COL4A5: variants seen among roughly 807,000 people sequenced by gnomAD.
COL4A5 encodes the protein collagen alpha-5(IV) chain.
COL4A5 carries 26 observed loss-of-function variants against 130.2 expected under a neutral mutation model. The observed-to-expected ratio is 0.20, with a 90% CI of 0.15 to 0.28. The LOEUF (loss-of-function observed/expected upper bound fraction) is 0.28, where lower values mean the gene tolerates loss of function less well. COL4A5 is among the 10% of genes least tolerant of loss of function. COL4A5 has a pLI of 1.00. For missense variants in COL4A5, 1,131 were observed against 1,344.3 expected (o/e 0.84, Z 2.48); for synonymous variants, 496 against 439.6 (o/e 1.13, Z -1.60).
At chrX:108,550,148 G>A (rs983733528) in intron 2 of COL4A5, among the ~76,000 whole-genome samples, 2 of 110,884 alleles carry the variant, frequency 1.8e-5, no homozygotes, top group Non-Finnish European at 3.8e-5. Context: ...AAAATAGAGG[G>A]ATATTGAATG....
At chrX:108,571,302 G>A in intron 6 of COL4A5, 111 bp from the exon 7 acceptor site, 1 of 569,130 alleles carries the variant, frequency 1.8e-6, no homozygotes, top group Non-Finnish European at 3.0e-6. Context: ...TGGCAATCTG[G>A]CATGTTTCAA....
intron 17 of COL4A5, 79 bp from the exon 18 acceptor site, chrX:108,584,405 A>G (rs2066299577): frequency 2.2e-6 from 2 of 898,473 alleles, no homozygotes; most frequent in South Asian, 2.2e-5. Context: ...GTCTTTTTGG[A>G]AAGTTTCTCT....
intron 1 of COL4A5, among the ~76,000 whole-genome samples, chrX:108,506,984 A>T (rs182502107): frequency 9.0e-6 from 1 of 110,741 alleles, no homozygotes; most frequent in Admixed American, 9.6e-5. Flanking sequence ...CCCTCCCAAG[A>T]CTGAACCAGG....
At chrX:108,635,280 C>T (rs1460607147) in intron 36 of COL4A5, among the ~76,000 whole-genome samples, 1 of 110,007 alleles carries the variant, frequency 9.1e-6, no homozygotes, top group Non-Finnish European at 1.9e-5. Flanking sequence ...TTAAAACATG[C>T]TTCATAAAAA....
intron 29 of COL4A5, among the ~76,000 whole-genome samples, chrX:108,614,470 G>C (rs1454607265): frequency 1.8e-5 from 2 of 111,874 alleles, no homozygotes; most frequent in Non-Finnish European, 3.8e-5. Flanking sequence ...GAGATGGACA[G>C]TTAAGTTTCT....
Position 108,641,899 on chromosome X carries a change from G to A in COL4A5, c.3247-13432G>A, listed in dbSNP as rs187898667. On this transcript the variant is annotated intron_variant, in intron 36 of 52. Transcript: ENST00000328300. ...GCGAGAAGCCTCCTGGCCAGAACTC[G>A]GGGGAGGGCATGAATCCAGTGTGCA... 3.9e-3 allele frequency among the ~76,000 whole-genome samples: 434 copies of A among 111,745 alleles called. 1 individual carries two copies. Among genetic ancestry groups the A allele is most frequent in the African/African-American group, 0.013 (415 of 30,763 alleles).
intron 1 of COL4A5, among the ~76,000 whole-genome samples, chrX:108,455,784 A>G (rs1490362934): frequency 5.4e-5 from 6 of 111,899 alleles, no homozygotes; most frequent in Admixed American, 1.9e-4. Flanking sequence ...TTGAAAATCA[A>G]TGGAATGTGT....
At chrX:108,678,883 C>G (rs2068364161) in intron 44 of COL4A5, among the ~76,000 whole-genome samples, 1 of 111,928 alleles carries the variant, frequency 8.9e-6, no homozygotes, top group African/African-American at 3.2e-5. Context: ...TGTCATATCT[C>G]TTTAGCCTTC....
rs760014052 is a variant in COL4A5, at chrX:108,631,986, A to G, written c.3246+5637A>G. On this transcript the variant is annotated intron_variant, in intron 36 of 52. Coordinates refer to ENST00000328300, the MANE Select transcript of COL4A5 (RefSeq NM_033380.3). The stretch of plus-strand genomic sequence containing the variant: ...AGGAAATAACTAAGATCAGAGCAGA[A>G]CTGAAGAAAATAGAGACACAAAAAA... Among the ~76,000 whole-genome samples, 3 of 111,472 alleles carry G rather than the reference A, an allele frequency of 2.7e-5. No individual in the cohort carries two copies. The South Asian group carries it at 1.1e-3, about 42-fold the overall frequency.
At chrX:108,674,797 ATGCT>A in intron 43 of COL4A5, 44 bp downstream of exon 43, 1 of 1,002,887 alleles carries the variant, frequency 1.0e-6, no homozygotes, top group Non-Finnish European at 1.3e-6. Flanking sequence ...TTTTTTTTTA[ATGCT>A]TTGTGTGTGT....
chrX:108,644,919 CAAAA>C (rs778790757), intron 36 of COL4A5, among the ~76,000 whole-genome samples: 1 of 47,535 alleles, frequency 2.1e-5, no homozygotes, highest in Non-Finnish European at 5.2e-5. Context: ...ACAACAACAA[CAAAA>C]AAAAAAAAAA....
chrX:108,595,022 G>A (rs1035561962), intron 21 of COL4A5, among the ~76,000 whole-genome samples: 2 of 108,912 alleles, frequency 1.8e-5, no homozygotes, highest in African/African-American at 6.7e-5. Flanking sequence ...CACCATGCCT[G>A]GCTAATGTTT....
At chrX:108,650,300 A>C (rs1367530017) in intron 36 of COL4A5, among the ~76,000 whole-genome samples, 1 of 111,333 alleles carries the variant, frequency 9.0e-6, no homozygotes, top group Non-Finnish European at 1.9e-5. Flanking sequence ...TGCGGTGATC[A>C]GGGAACACTT....
chrX:108,593,327 A>G (rs1325562394), intron 21 of COL4A5, among the ~76,000 whole-genome samples: 1 of 111,642 alleles, frequency 9.0e-6, no homozygotes, highest in African/African-American at 3.3e-5. Flanking sequence ...TCTCTTTTGT[A>G]AAGTGCCTGT....
chrX:108,508,001 C>T (rs1030638336), intron 1 of COL4A5, among the ~76,000 whole-genome samples: 6 of 111,226 alleles, frequency 5.4e-5, no homozygotes, highest in Non-Finnish European at 1.1e-4. Context: ...TCTCTCTCGC[C>T]ACTTCTATTC....
chrX:108,547,956 A>T (rs1381413573), intron 2 of COL4A5, among the ~76,000 whole-genome samples: 2 of 112,109 alleles, frequency 1.8e-5, no homozygotes, highest in Non-Finnish European at 3.8e-5. Flanking sequence ...AGACCATCAG[A>T]AAAGTGCAGT....
At chrX:108,660,826 A>T (rs1384662155) in intron 37 of COL4A5, among the ~76,000 whole-genome samples, 4 of 111,600 alleles carry the variant, frequency 3.6e-5, no homozygotes, top group Non-Finnish European at 7.5e-5. Context: ...GTCGTGTGTC[A>T]CATAACAACA....
chrX:108,593,457 G>A (rs776777788), intron 21 of COL4A5, among the ~76,000 whole-genome samples: 15 of 110,558 alleles, frequency 1.4e-4, no homozygotes, highest in Non-Finnish European at 2.5e-4. Flanking sequence ...CTATTTTATC[G>A]TTAGTACTTT....
At chrX:108,667,632 A>C (rs2147957602) in intron 40 of COL4A5, among the ~76,000 whole-genome samples, 1 of 109,652 alleles carries the variant, frequency 9.1e-6, no homozygotes, top group African/African-American at 3.3e-5. Context: ...TACTGTGAGC[A>C]CCAAATAGTA....
Sources: gnomAD v4.1 joint callset for allele counts (sites outside exome capture counted in the v4.1 genomes callset) on GRCh38, gnomAD v4.1.1 for gene constraint, MANE v1.5 for transcripts, NCBI Gene and HGNC (gene_info 2026-07-23, HGNC 2026-07-21) for gene names.